Variants in ABHD5 observed in about 807,000 individuals in gnomAD.
ABHD5 encodes the protein abhydrolase domain containing 5, lysophosphatidic acid acyltransferase.
A neutral mutation model predicts 44.9 loss-of-function variants in ABHD5; 30 were observed. That is an observed-to-expected ratio of 0.67 (90% CI 0.50 to 0.91). The LOEUF is 0.91. Among genes scored for constraint, ABHD5 ranks in the 40% least tolerant of loss-of-function variants. The pLI, the probability that ABHD5 is intolerant of heterozygous loss-of-function variation, is 0.00. For synonymous variants in ABHD5, 167 were observed against 147.0 expected (o/e 1.14, Z -0.99); for missense variants, 399 against 423.4 (o/e 0.94, Z 0.50).
At chr3:43,695,308 A>C (rs908295392) in intron 1 of ABHD5, among the ~76,000 whole-genome samples, 1 of 152,170 alleles carries the variant, frequency 6.6e-6, no homozygotes, top group Non-Finnish European at 1.5e-5. Context: ...ATAAATGTAA[A>C]TATAAATAAA....
chr3:43,724,799 G>A (rs1017022956), downstream of ABHD5, among the ~76,000 whole-genome samples: 5 of 152,174 alleles, frequency 3.3e-5, no homozygotes, highest in South Asian at 4.1e-4. Context: ...ACACACACCC[G>A]TATATATGTA....
intron 1 of ABHD5, 26 bp downstream of exon 1, chr3:43,691,065 G>A (rs774197449): frequency 6.5e-7 from 1 of 1,530,448 alleles, no homozygotes; most frequent in Non-Finnish European, 8.8e-7. Flanking sequence ...AGGGGGCTTC[G>A]TGTGTCTCCG....
In ABHD5 at chr3:43,718,957, A is replaced by G. The variant is rs1419824316; in HGVS notation, c.*425A>G. The G allele has an allele frequency of 6.0e-6, 1 of 166,386 alleles. No individual in the cohort carries two copies. The allele number at this position is 166,386 out of a possible 1,614,324, so 10.3% of individuals were successfully genotyped here. A position where few individuals can be genotyped will look rare whatever the true frequency, so the allele number is the denominator to read the frequency against. On this transcript the variant is annotated 3_prime_UTR_variant, in exon 7 of 7. Coordinates refer to ENST00000644371, the MANE Select transcript of ABHD5 (RefSeq NM_016006.6). ...ATTTTCTTTGTCTTCCCCATCATGT[A>G]TTTATTGTGTCTTGATAACTGATAT... is the stretch of plus-strand genomic sequence containing the variant.
chr3:43,690,924 G>A, upstream of ABHD5: 3 of 1,505,850 alleles, frequency 2.0e-6, no homozygotes, highest in South Asian at 1.2e-5. Flanking sequence ...TGCCGCGCCA[G>A]CCCGGGGCGG....
chr3:43,696,743 G>A (rs1450968508), intron 1 of ABHD5, among the ~76,000 whole-genome samples: 1 of 152,180 alleles, frequency 6.6e-6, no homozygotes, highest in Non-Finnish European at 1.5e-5. Context: ...AGAAGCAGAG[G>A]ATAGTTTCTG....
intron 3 of ABHD5, among the ~76,000 whole-genome samples, chr3:43,710,370 A>G (rs545510198): frequency 6.6e-6 from 1 of 152,284 alleles, no homozygotes; most frequent in Non-Finnish European, 1.5e-5. Flanking sequence ...TGATTAGCCT[A>G]TTTTTAGAAA....
At chr3:43,724,217 TAAAG>T (rs1352473320), downstream of ABHD5, among the ~76,000 whole-genome samples, 3 of 152,032 alleles carry the variant, frequency 2.0e-5, no homozygotes, top group Non-Finnish European at 2.9e-5. Flanking sequence ...TTTCTAGGCA[TAAAG>T]AAAGCAGAAA....
intron 1 of ABHD5, chr3:43,691,593 A>G (rs924080534): frequency 6.6e-6 from 1 of 152,272 alleles, no homozygotes; most frequent in Non-Finnish European, 1.5e-5. Flanking sequence ...CTTGGAGGGG[A>G]TATTAGAGGC....
At chr3:43,727,673 A>G (rs1022420823), downstream of ABHD5, among the ~76,000 whole-genome samples, 2 of 152,156 alleles carry the variant, frequency 1.3e-5, no homozygotes, top group South Asian at 2.1e-4. Flanking sequence ...GCAATATGCA[A>G]TCTCAGCTCA....
chr3:43,695,149 C>G (rs1194577527), intron 1 of ABHD5: 2 of 152,170 alleles, frequency 1.3e-5, no homozygotes, highest in East Asian at 3.9e-4. Context: ...CCTCAGCCTC[C>G]CAAAGTACGC....
At chr3:43,727,571 G>A (rs773247045), downstream of ABHD5, among the ~76,000 whole-genome samples, 4 of 152,032 alleles carry the variant, frequency 2.6e-5, no homozygotes, top group African/African-American at 4.8e-5. Flanking sequence ...GCCAATGCAG[G>A]AAAAAATGGT....
At chr3:43,695,789 C>CTT (rs1173250839) in intron 1 of ABHD5, among the ~76,000 whole-genome samples, 1 of 152,126 alleles carries the variant, frequency 6.6e-6, no homozygotes, top group Non-Finnish European at 1.5e-5. Flanking sequence ...AAAGTGGTGT[C>CTT]TATCTCTCAC....
In ABHD5 at chr3:43,721,768, A is replaced by G. The variant is rs1326836825; in HGVS notation, c.*3236A>G. 1 of 152,164 alleles carries G rather than the reference A, an allele frequency of 6.6e-6. No homozygotes were observed. The allele number at this position is 152,164 out of a possible 1,614,324, so 9.4% of individuals were successfully genotyped here. ...CAGAGGGCTAATTGTAGCCCTATAT[A>G]TGAAGAATTTTAAACTATGAGAAGA... On this transcript the variant is annotated 3_prime_UTR_variant, in exon 7 of 7. Coordinates refer to ENST00000644371, the MANE Select transcript of ABHD5 (RefSeq NM_016006.6).
intron 1 of ABHD5, among the ~76,000 whole-genome samples, chr3:43,695,848 T>C (rs958869050): frequency 2.0e-5 from 3 of 152,254 alleles, no homozygotes; most frequent in Non-Finnish European, 2.9e-5. Context: ...TCTATTAATA[T>C]GTTAAGCACA....
At chr3:43,730,155 T>G (rs1288490452) in intron 7 of ABHD5, among the ~76,000 whole-genome samples, 1 of 152,260 alleles carries the variant, frequency 6.6e-6, no homozygotes, top group African/African-American at 2.4e-5. Flanking sequence ...AAAGGTACAC[T>G]TATTTCACAG....
chr3:43,700,156 TTATAAAATGAAGGGG>T (rs2084523070), intron 2 of ABHD5, among the ~76,000 whole-genome samples: 1 of 152,224 alleles, frequency 6.6e-6, no homozygotes, highest in African/African-American at 2.4e-5. Flanking sequence ...TTCTCATTTC[TTATAAAATGAAGGGG>T]TAGGATTCTT....
chr3:43,705,934 A>G (rs1217432356), intron 3 of ABHD5, among the ~76,000 whole-genome samples: 2 of 152,106 alleles, frequency 1.3e-5, no homozygotes, highest in East Asian at 1.9e-4. Flanking sequence ...ACAAATTTAC[A>G]TAGATGATCT....
At position 43,702,291 on chromosome 3, in the gene ABHD5, T is replaced by C. The variant is rs1050448357; in HGVS notation, c.210T>C (p.His70=). Residue 70 remains histidine, a synonymous_variant, in exon 3 of 7, where the codon CAT becomes CAC. Transcript: ENST00000644371. ...AAATATGGACACTGAAGTTCTCTCA[T>C]AATATTTCAAATAAGACTCCACTTG... ...GNKIWTLKFS[H]NISNKTPLVL... is the part of the protein sequence containing the mutation. 7 of 1,605,402 alleles carry C rather than the reference T, an allele frequency of 4.4e-6. No individual in the cohort carries two copies. Among genetic ancestry groups the C allele is most frequent in the Non-Finnish European group, 6.0e-6 (7 of 1,173,832 alleles).
In ABHD5 at chr3:43,691,018, A is replaced by G. The variant is rs144420157; in HGVS notation, c.26A>G (p.Asp9Gly). Residue 9 changes from aspartate (D) to glycine (G), a missense_variant, in exon 1 of 7, where the codon GAC becomes GGC. Asp to Gly is a moderately conservative substitution (Grantham distance 94). Coordinates refer to ENST00000644371, the MANE Select transcript of ABHD5 (RefSeq NM_016006.6). The part of the protein sequence containing the change: MAAEEEEV[D>G]SADTGERSGW... The stretch of plus-strand genomic sequence containing the variant: ...ATGGCGGCGGAGGAGGAGGAGGTGG[A>G]CTCTGCCGACACCGGAGAGAGGTAA... 6.0e-4 allele frequency: 940 copies of G among 1,563,176 alleles called. 3 individuals carry two copies. The highest frequency in any genetic ancestry group is 4.0e-3 in the South Asian group (341 of 86,276).
Sources: allele counts gnomAD v4.1 joint callset (sites outside exome capture counted in the v4.1 genomes callset), GRCh38; gene constraint gnomAD v4.1.1; transcripts MANE v1.5; gene names NCBI Gene and HGNC (gene_info 2026-07-23, HGNC 2026-07-21).